Variants in DNM2 observed in about 807,000 individuals in gnomAD.
The protein encoded by DNM2 is dynamin 2.
A neutral mutation model predicts 99.0 loss-of-function variants in DNM2; 15 were observed. That is an observed-to-expected ratio of 0.15 (90% CI 0.10 to 0.23). The LOEUF is 0.23. Among genes scored for constraint, DNM2 ranks in the 10% least tolerant of loss-of-function variants. The probability of loss-of-function intolerance (pLI) is 1.00; values close to 1 mark genes in which losing one functional copy is unlikely to be tolerated. For synonymous variants in DNM2, 525 were observed against 481.2 expected, an observed-to-expected ratio of 1.09 and a Z score of -1.19; for missense variants, 742 against 1,189.4, an observed-to-expected ratio of 0.62 and a Z score of 5.53.
chr19:10,738,217 C>T (rs1435729404), intron 1 of DNM2, among the ~76,000 whole-genome samples: 4 of 151,888 alleles, frequency 2.6e-5, no homozygotes, highest in East Asian at 1.9e-4. Context: ...AAGATCACGC[C>T]GCTGTACTCC....
At position 10,817,821 on chromosome 19, in the gene DNM2, G is replaced by A. The variant is rs1191141943; in HGVS notation, c.1672-2159G>A. Among the ~76,000 whole-genome samples, 4 of 95,250 alleles carry A rather than the reference G, an allele frequency of 4.2e-5. No homozygotes were observed. Among genetic ancestry groups the A allele is most frequent in the East Asian group, 6.1e-4 (2 of 3,278 alleles). 62.5% of individuals were successfully genotyped at this position (95,250 alleles called of 152,430 possible). A position where few individuals can be genotyped will look rare whatever the true frequency, so the allele number is the denominator to read the frequency against. Reference sequence around the variant, plus strand: ...CACACGTGTGTGTGTGTGTGTGCGCGCGCGCGCACGCGTGCGTGCCGGCAG... The same window carrying A: ...CACACGTGTGTGTGTGTGTGTGCGCACGCGCGCACGCGTGCGTGCCGGCAG... On this transcript the variant is annotated intron_variant, in intron 15 of 20. Coordinates refer to ENST00000389253, the MANE Select transcript of DNM2 (RefSeq NM_001005361.3). The surrounding 1 kb of genome is among the most constrained non-coding windows in gnomAD (Gnocchi z 4.6).
intron 1 of DNM2, 55 bp downstream of exon 1, chr19:10,718,458 G>A (rs771356305): frequency 3.0e-6 from 4 of 1,326,700 alleles, no homozygotes; most frequent in Non-Finnish European, 3.8e-6. Flanking sequence ...CGCGGAGGGC[G>A]GACCGGGAAT....
rs1289220722 is a variant in DNM2 at position 10,787,103 on chromosome 19, G to A, written c.992+397G>A. Among the ~76,000 whole-genome samples, 9 of 152,318 alleles carry A rather than the reference G, an allele frequency of 5.9e-5. 1 individual carries two copies. The East Asian group carries it at 1.4e-3, about 23-fold the overall frequency. On this transcript the variant is annotated intron_variant, in intron 7 of 20. Transcript: ENST00000389253. ...AATCCCAGCACTTTGGGAGGCCAAGGTGGGTGGATCACCTGAGGTCGGGAG... is the reference window on the plus strand; with the variant it reads ...AATCCCAGCACTTTGGGAGGCCAAGATGGGTGGATCACCTGAGGTCGGGAG...
chr19:10,753,839 T>A (rs922903980), intron 1 of DNM2, among the ~76,000 whole-genome samples: 2 of 151,874 alleles, frequency 1.3e-5, no homozygotes. Flanking sequence ...GTAATTTTAG[T>A]AGAGATGGGG....
At chr19:10,819,418 C>T (rs2072893488) in intron 15 of DNM2, among the ~76,000 whole-genome samples, 1 of 152,156 alleles carries the variant, frequency 6.6e-6, no homozygotes, top group Non-Finnish European at 1.5e-5. Flanking sequence ...AGAGGTAACT[C>T]ACTCCTAGGC....
chr19:10,830,628 A>AG lies in DNM2; in HGVS notation c.2543+252dup. On this transcript the variant is annotated intron_variant, in intron 20 of 20. Coordinates refer to ENST00000389253, the MANE Select transcript of DNM2 (RefSeq NM_001005361.3). This position sits in a 1 kb window ranked among gnomAD's most constrained non-coding sequence, Gnocchi z 4.8. ...CCTCTGCCTACTGGGGTGTGCCACC[A>AG]GGCAGCTGGGGAACCCTCACACTGG... 1.7e-6 allele frequency: 1 copy of AG among 597,266 alleles called. No homozygotes were observed. The allele number at this position is 597,266 out of a possible 1,614,324, so 37.0% of individuals were successfully genotyped here.
At chr19:10,808,783 G>C in intron 14 of DNM2, 1 of 518,886 alleles carries the variant, frequency 1.9e-6, no homozygotes, top group Non-Finnish European at 3.3e-6. Context: ...GGCACTAACT[G>C]GACCGCCACC....
chr19:10,812,051 G>C lies in DNM2; in HGVS notation c.1558-213G>C, dbSNP rs191714992. ...CATCAGCCCCTGGCCCAGTGAGTCT[G>C]TCTGTCCGCCCACCTGCCCAGGTGG... On this transcript the variant is annotated intron_variant, in intron 14 of 20. Transcript: ENST00000389253. This position sits in a 1 kb window ranked among gnomAD's most constrained non-coding sequence, Gnocchi z 4.0. The C allele has an allele frequency of 1.3e-3, 697 of 538,158 alleles. No individual in the cohort carries two copies. Among genetic ancestry groups the C allele is most frequent in the African/African-American group, 0.011 (594 of 52,804 alleles). The allele number at this position is 538,158 out of a possible 1,614,324, so 33.3% of individuals were successfully genotyped here.
intron 1 of DNM2, among the ~76,000 whole-genome samples, chr19:10,740,965 AT>A (rs1236605569): frequency 1.3e-5 from 2 of 152,186 alleles, no homozygotes; most frequent in African/African-American, 4.8e-5. Flanking sequence ...CTTTAAAATT[AT>A]TGAGTCATGT....
At chr19:10,819,201 C>CA (rs948009700) in intron 15 of DNM2, among the ~76,000 whole-genome samples, 2 of 152,160 alleles carry the variant, frequency 1.3e-5, no homozygotes. Flanking sequence ...CGCTTGAACC[C>CA]AGGAGTTTAA....
rs1028309171 is a variant in DNM2, at chr19:10,820,530, G to T, written c.1781+441G>T. ...CAGATTCTGGGTAGAAGAGTCAGGCGGAGCCCTGGTGGGCATGGATATGAG... is the reference window on the plus strand; with the variant it reads ...CAGATTCTGGGTAGAAGAGTCAGGCTGAGCCCTGGTGGGCATGGATATGAG... On this transcript the variant is annotated intron_variant, in intron 16 of 20. Transcript: ENST00000389253. The surrounding 1 kb of genome is among the most constrained non-coding windows in gnomAD (Gnocchi z 4.3). Among the ~76,000 whole-genome samples, 1 of 152,218 alleles carries T rather than the reference G, an allele frequency of 6.6e-6. No homozygotes were observed. Among genetic ancestry groups the T allele is most frequent in the Non-Finnish European group, 1.5e-5 (1 of 68,040 alleles).
chr19:10,786,833 CCTT>C (rs2071576830), intron 7 of DNM2, 127 bp downstream of exon 7: 3 of 1,522,596 alleles, frequency 2.0e-6, no homozygotes, highest in Admixed American at 2.0e-5. Context: ...TTGCTGCAAG[CCTT>C]CTGCGTGCCA....
At chr19:10,790,332 G>C (rs964919626) in intron 7 of DNM2, among the ~76,000 whole-genome samples, 7 of 152,070 alleles carry the variant, frequency 4.6e-5, no homozygotes, top group Admixed American at 1.3e-4. Flanking sequence ...CTTAACCGAT[G>C]CTTGTAAGTT....
At chr19:10,735,028 T>C (rs1240399568) in intron 1 of DNM2, among the ~76,000 whole-genome samples, 1 of 151,650 alleles carries the variant, frequency 6.6e-6, no homozygotes, top group Non-Finnish European at 1.5e-5. Context: ...TGTGAATCTT[T>C]TTTTGTTTGT....
intron 4 of DNM2, among the ~76,000 whole-genome samples, chr19:10,776,887 A>C (rs2071174302): frequency 6.6e-6 from 1 of 152,162 alleles, no homozygotes; most frequent in African/African-American, 2.4e-5. Context: ...GCATTTGTTG[A>C]GTATTTGCCG....
chr19:10,766,242 C>T (rs927827782), intron 2 of DNM2, among the ~76,000 whole-genome samples: 8 of 152,300 alleles, frequency 5.3e-5, no homozygotes, highest in East Asian at 1.9e-4. Context: ...GTAGTGCCAG[C>T]GGGCACGTGA....
chr19:10,720,218 T>A (rs545139201), intron 1 of DNM2, among the ~76,000 whole-genome samples: 162 of 144,424 alleles, frequency 1.1e-3, no homozygotes, highest in African/African-American at 3.6e-3. Flanking sequence ...ATTTATTTAT[T>A]TTTTTTTTTT....
intron 5 of DNM2, among the ~76,000 whole-genome samples, chr19:10,779,971 A>T (rs1403327968): frequency 1.3e-5 from 2 of 151,958 alleles, no homozygotes; most frequent in Admixed American, 6.6e-5. Context: ...GTGTTTTTTT[A>T]AAGCCATTCC....
chr19:10,766,111 G>A (rs374165147), intron 2 of DNM2, among the ~76,000 whole-genome samples: 2 of 152,236 alleles, frequency 1.3e-5, no homozygotes, highest in Middle Eastern at 3.4e-3. Context: ...GTGAAACCAC[G>A]AGGCACCCCG....
Sources: allele counts gnomAD v4.1 joint callset (sites outside exome capture counted in the v4.1 genomes callset), GRCh38; gene constraint gnomAD v4.1.1; non-coding constraint Gnocchi (gnomAD v3.1); transcripts MANE v1.5; gene names NCBI Gene and HGNC (gene_info 2026-07-23, HGNC 2026-07-21).